Variants in ODF2 observed in about 807,000 individuals in gnomAD.
The protein encoded by ODF2 is outer dense fiber protein 2.
A neutral mutation model predicts 110.2 loss-of-function variants in ODF2; 47 were observed. The observed-to-expected ratio is 0.43, with a 90% CI of 0.34 to 0.54. ODF2 has a LOEUF of 0.54. Ranked by LOEUF, ODF2 falls within the 20% of genes least tolerant of loss-of-function variation. The pLI, the probability that ODF2 is intolerant of heterozygous loss-of-function variation, is 0.03. For synonymous variants in ODF2, 352 were observed against 397.7 expected, an observed-to-expected ratio of 0.89 and a Z score of 1.37; for missense variants, 812 against 1,054.5, an observed-to-expected ratio of 0.77 and a Z score of 3.19.
chr9:128,500,173 C>G lies in ODF2; in HGVS notation c.2408C>G (p.Ser803Ter), dbSNP rs969860943. 2 of 1,614,250 alleles carry G rather than the reference C, an allele frequency of 1.2e-6. No individual in the cohort carries two copies. The highest frequency in any genetic ancestry group is 1.7e-6 in the Non-Finnish European group (2 of 1,180,056). ...AACTACGTCCAGTTCCTCAAATCAT[C>G]ATACGCCAACGTGTTTGGGGATGGT... Residue 803 changes from serine to a stop codon, truncating the protein, a stop_gained, in exon 21 of 21, where the codon TCA becomes TGA. Coordinates refer to ENST00000604420, the Ensembl canonical transcript of ODF2. LOFTEE classifies it high-confidence loss of function.
chr9:128,467,596 T>C (rs1386089611), intron 4 of ODF2, among the ~76,000 whole-genome samples: 1 of 151,680 alleles, frequency 6.6e-6, no homozygotes, highest in Non-Finnish European at 1.5e-5. Flanking sequence ...AATACAAAAA[T>C]CAGCTGGGCA....
At chr9:128,461,951 A>T (rs1238982067) in intron 4 of ODF2, among the ~76,000 whole-genome samples, 1 of 152,148 alleles carries the variant, frequency 6.6e-6, no homozygotes, top group East Asian at 1.9e-4. Context: ...CAGTACAATA[A>T]ATTAAAAGGA....
chr9:128,457,004 G>C, intron 1 of ODF2: 1 of 1,255,472 alleles, frequency 8.0e-7, no homozygotes, highest in Non-Finnish European at 1.0e-6. Flanking sequence ...GGCCCACTTG[G>C]GGCCGAGCGG....
rs933891869 is a variant in ODF2 at position 128,471,159 on chromosome 9, C to T, written c.421-149C>T. ...GAACTCCTGACCAAAAGTGACCTAC[C>T]CACCTTGGCCTCCCAAAGTGCTGGG... On this transcript the variant is annotated intron_variant, in intron 5 of 20. Transcript: ENST00000604420. 1.2e-5 allele frequency: 8 copies of T among 657,612 alleles called. No homozygotes were observed. In the African/African-American group the frequency reaches 1.5e-4, roughly 13 times the overall value. 40.7% of individuals were successfully genotyped at this position (657,612 alleles called of 1,614,324 possible). A position where few individuals can be genotyped will look rare whatever the true frequency, so the allele number is the denominator to read the frequency against.
intron 10 of ODF2, among the ~76,000 whole-genome samples, 198 bp downstream of exon 10, chr9:128,483,085 G>T (rs940035563): frequency 1.3e-5 from 2 of 151,932 alleles, no homozygotes; most frequent in Non-Finnish European, 2.9e-5. Flanking sequence ...TAGTAGAGAC[G>T]GGGTTTCACC....
At chr9:128,457,597 A>AC in intron 2 of ODF2, among the ~76,000 whole-genome samples, 1 of 152,310 alleles carries the variant, frequency 6.6e-6, no homozygotes, top group African/African-American at 2.4e-5. Flanking sequence ...GGGGAACGAA[A>AC]TGTATACACA....
intron 3 of ODF2, 26 bp from the exon 4 acceptor site, chr9:128,460,916 G>A: frequency 6.2e-7 from 1 of 1,614,104 alleles, no homozygotes; most frequent in Non-Finnish European, 8.5e-7. Flanking sequence ...GTGTGGAAGT[G>A]ACCCTGGGTT....
At chr9:128,499,668 G>A (rs960842671) in intron 20 of ODF2, among the ~76,000 whole-genome samples, 1 of 152,046 alleles carries the variant, frequency 6.6e-6, no homozygotes, top group African/African-American at 2.4e-5. Context: ...ACAGTGCAGT[G>A]GTGCTGTCAT....
At chr9:128,472,887 T>C (rs1273314296) in intron 6 of ODF2, 26 bp from the exon 7 acceptor site, 26 of 1,613,056 alleles carry the variant, frequency 1.6e-5, no homozygotes, top group Non-Finnish European at 2.0e-5. Context: ...CTGGGAGGGC[T>C]CACAGAGCCG....
chr9:128,497,241 A>G (rs1845693751), intron 18 of ODF2, among the ~76,000 whole-genome samples: 1 of 150,760 alleles, frequency 6.6e-6, no homozygotes. Flanking sequence ...CTGGCAAAGC[A>G]TGACTTAGAC....
intron 9 of ODF2, 139 bp downstream of exon 9, chr9:128,481,790 G>T: frequency 3.3e-6 from 2 of 609,240 alleles, no homozygotes; most frequent in Non-Finnish European, 5.7e-6. Flanking sequence ...TCTGTAAAAT[G>T]GGCTGATGTC....
intron 20 of ODF2, among the ~76,000 whole-genome samples, chr9:128,499,648 C>A (rs1014732019): frequency 6.6e-6 from 1 of 152,000 alleles, no homozygotes; most frequent in Non-Finnish European, 1.5e-5. Context: ...TTCATTCTGT[C>A]ACCCAGGCTA....
intron 1 of ODF2, chr9:128,456,999 A>C: frequency 8.0e-7 from 1 of 1,242,904 alleles, no homozygotes; most frequent in Non-Finnish European, 1.0e-6. Context: ...TCTGGGGCCC[A>C]CTTGGGGCCG....
intron 14 of ODF2, among the ~76,000 whole-genome samples, chr9:128,488,779 G>A (rs570350067): frequency 6.6e-5 from 10 of 152,188 alleles, no homozygotes; most frequent in South Asian, 2.1e-4. Context: ...TGAGGCAGGC[G>A]GATCACCTGA....
rs1588926065 is a variant in ODF2 at position 128,485,183 on chromosome 9, T to C, written c.1291-182T>C. ...TTACAAACAGGATGCATTTGATTGCTAGAAATCTGGGAGCACTAGCTGGGC... is the reference window on the plus strand; with the variant it reads ...TTACAAACAGGATGCATTTGATTGCCAGAAATCTGGGAGCACTAGCTGGGC... On this transcript the variant is annotated intron_variant, in intron 12 of 20. Transcript: ENST00000604420. The surrounding 1 kb of genome is among the most constrained non-coding windows in gnomAD (Gnocchi z 5.0). Among the ~76,000 whole-genome samples the C allele has an allele frequency of 6.6e-6, 1 of 152,128 alleles. No homozygotes were observed. The highest frequency in any genetic ancestry group is 1.5e-5 in the Non-Finnish European group (1 of 68,018).
intron 3 of ODF2, 74 bp downstream of exon 2, chr9:128,459,731 G>A: frequency 8.7e-7 from 1 of 1,154,142 alleles, no homozygotes; most frequent in South Asian, 1.3e-5. Context: ...GTTTCTAGGA[G>A]GTGCCTTACC....
chr9:128,456,089 C>G, upstream of ODF2: 1 of 1,541,938 alleles, frequency 6.5e-7, no homozygotes, highest in Non-Finnish European at 8.7e-7. Context: ...TTTGAACTGG[C>G]CAATGGGCGA....
At chr9:128,457,685 GT>G (rs1835265721) in intron 2 of ODF2, among the ~76,000 whole-genome samples, 1 of 152,146 alleles carries the variant, frequency 6.6e-6, no homozygotes. Flanking sequence ...CACTCTTGTT[GT>G]CTTTATATAA....
chr9:128,488,044 G>C lies in ODF2; in HGVS notation c.1536+19G>C. On this transcript the variant is annotated intron_variant, in intron 14 of 20. Coordinates refer to ENST00000604420, the Ensembl canonical transcript of ODF2. ...GCTGAAGGTTCGCAGTGAGAGCTGG[G>C]GACCAGGCAGCTGGATGGGGCCCAG... The C allele has an allele frequency of 6.2e-7, 1 of 1,613,176 alleles. No homozygotes were observed. The highest frequency in any genetic ancestry group is 1.1e-5 in the South Asian group (1 of 91,062).
Sources: gnomAD v4.1 joint callset for allele counts (sites outside exome capture counted in the v4.1 genomes callset) on GRCh38, gnomAD v4.1.1 for gene constraint, Gnocchi (gnomAD v3.1) non-coding constraint, MANE v1.5 for transcripts, NCBI Gene and HGNC (gene_info 2026-07-23, HGNC 2026-07-21) for gene names.